The following TTC39A variants were observed in gnomAD, a reference collection of about 807,000 sequenced individuals.
TTC39A encodes tetratricopeptide repeat domain 39A.
A neutral mutation model predicts 82.3 loss-of-function variants in TTC39A; 46 were observed. That is an observed-to-expected ratio of 0.56 (90% CI 0.44 to 0.71). The LOEUF (loss-of-function observed/expected upper bound fraction) is 0.71, where lower values mean the gene tolerates loss of function less well. TTC39A is among the 30% of genes least tolerant of loss of function. TTC39A has a pLI of 0.00. For synonymous variants in TTC39A, 254 were observed against 275.2 expected (o/e 0.92, Z 0.76); for missense variants, 543 against 712.9 (o/e 0.76, Z 2.71).
intron 6 of TTC39A, among the ~76,000 whole-genome samples, chr1:51,308,574 C>T (rs1274889610): frequency 6.6e-6 from 1 of 152,146 alleles, no homozygotes; most frequent in African/African-American, 2.4e-5. Context: ...AGTTTTAATG[C>T]AAAACTTGGT....
At position 51,306,016 on chromosome 1, in the gene TTC39A, A is replaced by C. The variant is rs772556970; in HGVS notation, c.549T>G (p.Phe183Leu). Residue 183 changes from phenylalanine (F) to leucine (L), a missense_variant, in exon 7 of 18, where the codon TTT (phenylalanine) becomes TTG (leucine). Coordinates refer to ENST00000680483, the MANE Select transcript of TTC39A (RefSeq NM_001297663.2). The part of the protein sequence containing the change: ...QYCKGENHPH[F>L]EGGVKLGVGA... ...CTACACCAAGCTTCACTCCTCCTTC[A>C]AAGTGCGGGTGGTTCTCACCCTTGC... 1.2e-6 allele frequency: 2 copies of C among 1,613,984 alleles called. No homozygotes were observed. Among genetic ancestry groups the C allele is most frequent in the Admixed American group, 3.3e-5 (2 of 60,024 alleles).
At chr1:51,322,429 G>A (rs894291785) in intron 1 of TTC39A, among the ~76,000 whole-genome samples, 2 of 152,134 alleles carry the variant, frequency 1.3e-5, no homozygotes, top group Non-Finnish European at 1.5e-5. Context: ...ACCCTCTGAC[G>A]TGATATATTT....
intron 6 of TTC39A, 93 bp downstream of exon 6, chr1:51,309,168 C>T: frequency 6.7e-7 from 1 of 1,484,978 alleles, no homozygotes; most frequent in Non-Finnish European, 9.0e-7. Context: ...TCGGTTAGTA[C>T]TCTTCTTCTC....
intron 12 of TTC39A, chr1:51,297,245 C>G (rs1292072133): frequency 6.6e-6 from 1 of 151,610 alleles, no homozygotes; most frequent in Non-Finnish European, 1.5e-5. Flanking sequence ...TGGTCTCGCT[C>G]TGTCGCCCAG....
Position 51,294,063 on chromosome 1 carries a change from T to C in TTC39A, c.1266+328A>G, listed in dbSNP as rs1477399075. 6.6e-6 allele frequency among the ~76,000 whole-genome samples: 1 copy of C among 152,200 alleles called. No individual in the cohort carries two copies. Among genetic ancestry groups the C allele is most frequent in the East Asian group, 1.9e-4 (1 of 5,192 alleles). ...GGGACCGTGAAAACAATTATAATCA[T>C]TGTGACAAGACTGGAGCAGACAGGC... On this transcript the variant is annotated intron_variant, in intron 14 of 17. Coordinates refer to ENST00000680483, the MANE Select transcript of TTC39A (RefSeq NM_001297663.2). This position sits in a 1 kb window ranked among gnomAD's most constrained non-coding sequence, Gnocchi z 4.3.
At chr1:51,290,474 T>C in intron 15 of TTC39A, 40 bp downstream of exon 15, 3 of 1,578,492 alleles carry the variant, frequency 1.9e-6, no homozygotes, top group Non-Finnish European at 2.6e-6. Context: ...TGTAAAGACC[T>C]GACCTAGCAT....
At chr1:51,297,132 C>T (rs925197020) in intron 12 of TTC39A, 1 of 152,218 alleles carries the variant, frequency 6.6e-6, no homozygotes, top group Non-Finnish European at 1.5e-5. Context: ...GGCCTCAGCC[C>T]GCCCTTCACA....
At chr1:51,314,167 G>A (rs576760488) in intron 2 of TTC39A, among the ~76,000 whole-genome samples, 2 of 152,204 alleles carry the variant, frequency 1.3e-5, no homozygotes, top group Non-Finnish European at 2.9e-5. Context: ...GGTGTGTTGG[G>A]GGCAGGGGGT....
intron 1 of TTC39A, chr1:51,343,023 G>C (rs1045638254): frequency 6.6e-6 from 3 of 456,038 alleles, no homozygotes; most frequent in African/African-American, 4.0e-5. Flanking sequence ...GACCCCGAAG[G>C]CTCCCTGGTG....
At chr1:51,318,574 T>C (rs542422195) in intron 2 of TTC39A, among the ~76,000 whole-genome samples, 2 of 152,202 alleles carry the variant, frequency 1.3e-5, no homozygotes, top group East Asian at 3.9e-4. Context: ...ATTGAAGAGG[T>C]CAGGCCTGGG....
At position 51,287,992 on chromosome 1, in the gene TTC39A, A is replaced by C; in HGVS notation, c.*165T>G. On this transcript the variant is annotated 3_prime_UTR_variant, in exon 18 of 18. Transcript: ENST00000680483. ...CAAAGGCCCTTGGCTACACTGGTGA[A>C]AATGCCAGCTCGGCTTCTGCACGGA... is the stretch of plus-strand genomic sequence containing the variant. 1 of 1,193,040 alleles carries C rather than the reference A, an allele frequency of 8.4e-7. No homozygotes were observed. Among genetic ancestry groups the C allele is most frequent in the Non-Finnish European group, 1.1e-6 (1 of 875,928 alleles). The allele number at this position is 1,193,040 out of a possible 1,614,324, so 73.9% of individuals were successfully genotyped here.
In TTC39A at chr1:51,302,424, G is replaced by A. The variant is rs1371168320; in HGVS notation, c.832-8C>T. ...GAACAGGAAGATGGCACCCTGCAAT[G>A]ACACACATGTAAGTCCGTGTGGGTC... On this transcript the variant is annotated splice_region_variant and splice_polypyrimidine_tract_variant and intron_variant, in intron 10 of 17. Coordinates refer to ENST00000680483, the MANE Select transcript of TTC39A (RefSeq NM_001297663.2). 7.5e-6 allele frequency: 12 copies of A among 1,609,306 alleles called. No individual in the cohort carries two copies. In the Middle Eastern group the frequency reaches 5.0e-4, roughly 66 times the overall value.
intron 11 of TTC39A, chr1:51,301,955 G>A (rs531306650): frequency 9.1e-6 from 6 of 656,944 alleles, no homozygotes; most frequent in South Asian, 3.6e-5. Context: ...TACAGCCCCC[G>A]CCTAGGACTC....
chr1:51,343,066 G>A, intron 1 of TTC39A: 1 of 456,260 alleles, frequency 2.2e-6, no homozygotes, highest in Non-Finnish European at 4.4e-6. Context: ...GATTCTCCCA[G>A]GCAGGGAAGG....
rs1250923460 is a variant in TTC39A at position 51,312,147 on chromosome 1, G to A, written c.327C>T (p.Asn109=). Residue 109 remains asparagine (N), a synonymous_variant, in exon 4 of 18, where the codon AAC becomes AAT. Transcript: ENST00000680483. ...CAGTGAATTGGCCCAGCGTGGGGCG[G>A]TTCACCAGGCTGCTGAAGGAATCTG... is the stretch of plus-strand genomic sequence containing the variant. The part of the protein sequence containing the change: ...SVTDSFSSLV[N]RPTLGQFTEE... 1.2e-6 allele frequency: 2 copies of A among 1,611,774 alleles called. No individual in the cohort carries two copies. Among genetic ancestry groups the A allele is most frequent in the South Asian group, 1.1e-5 (1 of 90,302 alleles).
chr1:51,306,853 A>ACCCCCC (rs3068549), intron 6 of TTC39A, among the ~76,000 whole-genome samples: 194 of 60,126 alleles, frequency 3.2e-3, no homozygotes, highest in African/African-American at 4.5e-3. Context: ...TAAGGGACAG[A>ACCCCCC]CCCCCCCCCC....
Position 51,290,726 on chromosome 1 carries a change from G to C in TTC39A, c.1267-101C>G. ...AGTTCAGATCAGAGGTTCACTAAAG[G>C]ACCTTCTAGCTCTAATCATCCATGA... On this transcript the variant is annotated intron_variant, in intron 14 of 17. Coordinates refer to ENST00000680483, the MANE Select transcript of TTC39A (RefSeq NM_001297663.2). The C allele has an allele frequency of 3.3e-6, 3 of 895,872 alleles. No homozygotes were observed. The South Asian group carries it at 4.9e-5, about 15-fold the overall frequency. 55.5% of individuals were successfully genotyped at this position (895,872 alleles called of 1,614,324 possible).
chr1:51,309,515 C>A, intron 5 of TTC39A, 190 bp from the exon 6 acceptor site: 1 of 1,361,138 alleles, frequency 7.3e-7, no homozygotes, highest in South Asian at 1.6e-5. Flanking sequence ...CAGGGTTGGA[C>A]CAGCCTCCCA....
chr1:51,331,937 T>TGAAG, upstream of TTC39A: 1 of 481,876 alleles, frequency 2.1e-6, no homozygotes, highest in Non-Finnish European at 2.7e-6. Context: ...GCAGCATGGA[T>TGAAG]GAAGGCATGG....
Sources: gnomAD v4.1 joint callset for allele counts (sites outside exome capture counted in the v4.1 genomes callset) on GRCh38, gnomAD v4.1.1 for gene constraint, Gnocchi (gnomAD v3.1) non-coding constraint, MANE v1.5 for transcripts, NCBI Gene and HGNC (gene_info 2026-07-23, HGNC 2026-07-21) for gene names.